MARCHF1: variants seen among roughly 807,000 people sequenced by gnomAD.
MARCHF1 encodes the protein E3 ubiquitin-protein ligase MARCHF1.
Under a neutral mutation model 54.2 loss-of-function variants are expected in MARCHF1, and 40 were observed. That is an observed-to-expected ratio of 0.74 (90% confidence interval 0.57 to 0.96). MARCHF1 has a LOEUF of 0.96. Ranked by LOEUF, MARCHF1 falls within the 40% of genes least tolerant of loss-of-function variation. MARCHF1 has a pLI of 0.00. For missense variants in MARCHF1, 586 were observed against 656.5 expected, an observed-to-expected ratio of 0.89 and a Z score of 1.17; for synonymous variants, 236 against 236.3, an observed-to-expected ratio of 1.00 and a Z score of 0.01.
chr4:164,213,745 T>A (rs1382879593), intron 1 of MARCHF1, among the ~76,000 whole-genome samples: 1 of 152,068 alleles, frequency 6.6e-6, no homozygotes, highest in Non-Finnish European at 1.5e-5. Context: ...TCAAATGTTA[T>A]TTTTTGTCTA....
At chr4:163,917,191 T>G (rs551413110) in intron 3 of MARCHF1, among the ~76,000 whole-genome samples, 1 of 152,182 alleles carries the variant, frequency 6.6e-6, no homozygotes, top group Non-Finnish European at 1.5e-5. Flanking sequence ...AATTTCTTTT[T>G]AGCAATAACG....
intron 3 of MARCHF1, among the ~76,000 whole-genome samples, chr4:163,855,093 C>T (rs1203229909): frequency 4.6e-5 from 7 of 152,134 alleles, no homozygotes; most frequent in Admixed American, 3.3e-4. Context: ...CAAAACTGCA[C>T]ATTTCATAGC....
At chr4:164,223,386 G>T (rs370015892) in intron 1 of MARCHF1, among the ~76,000 whole-genome samples, 5 of 152,066 alleles carry the variant, frequency 3.3e-5, no homozygotes, top group East Asian at 1.9e-4. Context: ...GACAATTGTG[G>T]CTGTTAATAG....
chr4:163,734,595 G>A (rs577205031), intron 4 of MARCHF1, among the ~76,000 whole-genome samples: 1 of 150,330 alleles, frequency 6.7e-6, no homozygotes, highest in East Asian at 1.9e-4. Flanking sequence ...CCAATTCTAA[G>A]GTAGGATGGT....
intron 2 of MARCHF1, among the ~76,000 whole-genome samples, chr4:164,101,793 C>T (rs1436331045): frequency 6.7e-6 from 1 of 149,672 alleles, no homozygotes; most frequent in East Asian, 2.0e-4. Context: ...GAGAAGAAGG[C>T]TTCAGACGAT....
At position 164,053,986 on chromosome 4, in the gene MARCHF1, C is replaced by T. The variant is rs575684120; in HGVS notation, c.-248+57602G>A. Among the ~76,000 whole-genome samples, 9 of 151,406 alleles carry T rather than the reference C, an allele frequency of 5.9e-5. No homozygotes were observed. In the South Asian group the frequency reaches 8.4e-4, roughly 14 times the overall value. ...AGAAACTACCATCAGAGTGAACAGG[C>T]AACCTACAACATGGGAGAAAATTTT... On this transcript the variant is annotated intron_variant, in intron 2 of 9. Coordinates refer to ENST00000514618, the MANE Select transcript of MARCHF1 (RefSeq NM_001394959.1).
chr4:164,044,407 G>A (rs554219654), intron 2 of MARCHF1, among the ~76,000 whole-genome samples: 1 of 152,176 alleles, frequency 6.6e-6, no homozygotes, highest in East Asian at 1.9e-4. Context: ...AGCAAAGGGG[G>A]AAGTGCCACA....
chr4:163,591,253 T>G, intron 7 of MARCHF1, among the ~76,000 whole-genome samples: 1 of 152,084 alleles, frequency 6.6e-6, no homozygotes, highest in Non-Finnish European at 1.5e-5. Flanking sequence ...CTTTGAGAAT[T>G]TCCTCAAGTA....
chr4:164,190,220 C>G (rs113582722), intron 1 of MARCHF1: 32 of 1,449,752 alleles, frequency 2.2e-5, no homozygotes, highest in Non-Finnish European at 3.1e-5. Flanking sequence ...TTGAAGACTT[C>G]GAAGCTAACA....
chr4:163,834,279 C>CA (rs568943357), intron 4 of MARCHF1, among the ~76,000 whole-genome samples: 2,476 of 129,238 alleles, frequency 0.019, 47 homozygotes, highest in African/African-American at 0.048. Flanking sequence ...AAAAACCTGC[C>CA]AAAAAAAAAA....
intron 4 of MARCHF1, among the ~76,000 whole-genome samples, chr4:163,839,632 T>C (rs1749283388): frequency 1.3e-5 from 2 of 152,244 alleles, no homozygotes; most frequent in Admixed American, 1.3e-4. Flanking sequence ...TCAATTTATA[T>C]GAGATGTCTA....
At chr4:164,197,322 G>T in intron 1 of MARCHF1, 3 of 1,612,168 alleles carry the variant, frequency 1.9e-6, no homozygotes, top group Non-Finnish European at 2.5e-6. Flanking sequence ...GCTTGAACAC[G>T]TTTTCTCCGT....
intron 3 of MARCHF1, among the ~76,000 whole-genome samples, chr4:163,934,201 C>G (rs1751743118): frequency 6.6e-6 from 1 of 152,000 alleles, no homozygotes; most frequent in African/African-American, 2.4e-5. Context: ...CCCAAAAAAG[C>G]CTTGTGAAAA....
At chr4:163,664,682 T>C (rs900123341) in intron 5 of MARCHF1, among the ~76,000 whole-genome samples, 10 of 152,056 alleles carry the variant, frequency 6.6e-5, no homozygotes, top group South Asian at 4.1e-4. Flanking sequence ...ACATTATATA[T>C]AGGGCTTAGG....
chr4:164,023,286 G>A (rs1044005166), intron 2 of MARCHF1, among the ~76,000 whole-genome samples: 7 of 152,098 alleles, frequency 4.6e-5, no homozygotes, highest in Non-Finnish European at 1.0e-4. Flanking sequence ...ACTGAAGGGG[G>A]CTCCTCCAAG....
chr4:164,188,608 C>T (rs1345593668), intron 1 of MARCHF1: 8 of 892,332 alleles, frequency 9.0e-6, no homozygotes, highest in Admixed American at 5.1e-5. Flanking sequence ...ATCTGATCGG[C>T]GATGCCGCCA....
intron 2 of MARCHF1, among the ~76,000 whole-genome samples, chr4:164,022,976 C>G (rs1456077171): frequency 1.3e-5 from 2 of 152,216 alleles, no homozygotes; most frequent in African/African-American, 4.8e-5. Context: ...GAGCATCATT[C>G]ACAGGGTCCA....
intron 4 of MARCHF1, among the ~76,000 whole-genome samples, chr4:163,832,779 C>T (rs1425954317): frequency 6.8e-6 from 1 of 146,684 alleles, no homozygotes; most frequent in African/African-American, 2.5e-5. Context: ...GTGATGTTCC[C>T]CTTCCTGTGT....
At chr4:164,297,888 A>C (rs1477664522) in intron 1 of MARCHF1, among the ~76,000 whole-genome samples, 1 of 152,168 alleles carries the variant, frequency 6.6e-6, no homozygotes, top group Non-Finnish European at 1.5e-5. Context: ...ATGAGACTCA[A>C]TTTACCTGAA....
Sources: allele counts gnomAD v4.1 joint callset (sites outside exome capture counted in the v4.1 genomes callset), GRCh38; gene constraint gnomAD v4.1.1; transcripts MANE v1.5; gene names NCBI Gene and HGNC (gene_info 2026-07-23, HGNC 2026-07-21).